APOB: variants seen among roughly 807,000 people sequenced by gnomAD.
APOB encodes the protein apolipoprotein B-100.
In APOB, 153 loss-of-function variants were observed where a neutral mutation model predicts 314.1. That is an observed-to-expected ratio of 0.49 (90% CI 0.43 to 0.56). APOB has a LOEUF of 0.56. Among genes scored for constraint, APOB ranks in the 20% least tolerant of loss-of-function variants. The pLI is 0.00. For missense variants in APOB, 5,430 were observed against 5,350.7 expected, an observed-to-expected ratio of 1.01 and a Z score of -0.46; for synonymous variants, 2,087 against 2,036.4, an observed-to-expected ratio of 1.02 and a Z score of -0.67.
chr2:21,041,411 G>T (rs1664129436), intron 3 of APOB, among the ~76,000 whole-genome samples: 2 of 152,220 alleles, frequency 1.3e-5, no homozygotes, highest in African/African-American at 4.8e-5. Context: ...TAGAAGCGCT[G>T]CAGACTAGGA....
At chr2:21,028,583 A>C in intron 12 of APOB, 45 bp from the exon 13 acceptor site, 1 of 1,340,934 alleles carries the variant, frequency 7.5e-7, no homozygotes, top group Non-Finnish European at 1.1e-6. Context: ...TGTGGTCAGA[A>C]CACAGAACAT....
chr2:21,023,110 AC>A (rs747377575), intron 17 of APOB, 68 bp from the exon 18 acceptor site: 11 of 1,317,350 alleles, frequency 8.4e-6, no homozygotes, highest in African/African-American at 1.4e-5. Flanking sequence ...CAGATCAACC[AC>A]CCTTTCTCAC....
intron 14 of APOB, 138 bp from the exon 15 acceptor site, chr2:21,027,102 C>T: frequency 1.3e-6 from 1 of 785,826 alleles, no homozygotes; most frequent in East Asian, 2.7e-5. Flanking sequence ...TAGCATTTCA[C>T]AGGAGCTGCT....
chr2:21,002,067 A>G lies in APOB; in HGVS notation c.13355T>C (p.Leu4452Pro), dbSNP rs1240567438. The change falls in exon 29 of 29, where the codon CTT (leucine) becomes CCT (proline). Residue 4452 changes from leucine to proline, a missense_variant. Leu to Pro is a moderately conservative substitution (Grantham distance 98). Coordinates refer to ENST00000233242, the MANE Select transcript of APOB (RefSeq NM_000384.3). ...QFLHRNIQEYLSILTDPDGKG... is the reference protein window; with the variant it reads ...QFLHRNIQEYPSILTDPDGKG... ...TCCATCTGGATCGGTAAGGATGCTA[A>G]GATATTCCTGAATATTTCTGTGCAG... 1 of 1,613,916 alleles carries G rather than the reference A, an allele frequency of 6.2e-7. No homozygotes were observed. Among genetic ancestry groups the G allele is most frequent in the Admixed American group, 1.7e-5 (1 of 59,996 alleles).
Position 21,009,172 on chromosome 2 carries a change from C to T in APOB, c.7696G>A (p.Glu2566Lys), listed in dbSNP as rs1801696. ...LAAKNLTDFA[E>K]QYSIQDWAKR... ...GCCCAATCTTGGATAGAATATTGCT[C>T]TGCAAAGTCAGTAAGGTTCTTAGCA... The change falls in exon 26 of 29, where the codon GAG (glutamate) becomes AAG (lysine). Residue 2566 changes from glutamate to lysine, a missense_variant. Glu to Lys is a moderately conservative substitution (Grantham distance 56). This residue lies in a region of APOB where 3,281 missense variants were observed against 3,171.0 expected (regional missense o/e 1.03). Transcript: ENST00000233242. The T allele has an allele frequency of 3.0e-3, 4,874 of 1,614,090 alleles. 13 individuals are homozygous for T. The highest frequency in any genetic ancestry group is 3.5e-3 in the Non-Finnish European group (4,074 of 1,179,966).
intron 20 of APOB, 32 bp from the exon 21 acceptor site, chr2:21,016,681 T>G (rs1202984181): frequency 1.4e-6 from 2 of 1,439,964 alleles, no homozygotes; most frequent in Admixed American, 3.3e-5. Flanking sequence ...TCAAGAGATG[T>G]GTGGTAAGAA....
Position 21,006,657 on chromosome 2 carries a change from T to C in APOB, c.10211A>G (p.Lys3404Arg). Residue 3404 changes from lysine to arginine, a missense_variant, in exon 26 of 29, where the codon AAA becomes AGA. Physicochemically the swap from Lys to Arg is conservative, Grantham distance 26 (BLOSUM62 2). Coordinates refer to ENST00000233242, the MANE Select transcript of APOB (RefSeq NM_000384.3). Reference sequence around the variant, plus strand: ...ACTGTTATGACTACCCTCCACAAATTTGTTGCTCAGAGACAGAGCTGTGGC... The same window carrying C: ...ACTGTTATGACTACCCTCCACAAATCTGTTGCTCAGAGACAGAGCTGTGGC... ...KLATALSLSN[K>R]FVEGSHNSTV... 6.2e-7 allele frequency: 1 copy of C among 1,614,080 alleles called. No individual in the cohort carries two copies. The highest frequency in any genetic ancestry group is 8.5e-7 in the Non-Finnish European group (1 of 1,179,976).
chr2:21,037,146 T>C lies in APOB; in HGVS notation c.647A>G (p.Lys216Arg), dbSNP rs769862584. ...TGGGCTGATGCCTGTGCGGATGGGCTTGAAGCGATCACACTGCCCCAGGTC... is the reference window on the plus strand; with the variant it reads ...TGGGCTGATGCCTGTGCGGATGGGCCTGAAGCGATCACACTGCCCCAGGTC... The part of the protein sequence containing the change: ...ERDLGQCDRF[K>R]PIRTGISPLA... Residue 216 changes from lysine (K) to arginine (R), a missense_variant, in exon 6 of 29, where the codon AAG becomes AGG. Physicochemically the swap from Lys to Arg is conservative, Grantham distance 26. Around this residue, in one of 3 missense-constraint regions of APOB, gnomAD observed 2,085 missense variants for 2,079.7 expected, o/e 1.00. Transcript: ENST00000233242. 32 of 1,614,114 alleles carry C rather than the reference T, an allele frequency of 2.0e-5. No individual in the cohort carries two copies. The highest frequency in any genetic ancestry group is 2.6e-5 in the Non-Finnish European group (31 of 1,180,050).
intron 12 of APOB, 151 bp from the exon 13 acceptor site, chr2:21,028,689 G>C (rs1663804037): frequency 7.6e-6 from 5 of 653,628 alleles, no homozygotes; most frequent in South Asian, 7.3e-5. Context: ...GAATCTTCTT[G>C]CCAGTGTTTC....
In APOB at chr2:21,010,922, T is replaced by C; in HGVS notation, c.5946A>G (p.Lys1982=). The C allele has an allele frequency of 6.2e-7, 1 of 1,614,086 alleles. No individual in the cohort carries two copies. Among genetic ancestry groups the C allele is most frequent in the Non-Finnish European group, 8.5e-7 (1 of 1,179,988 alleles). Residue 1982 remains lysine, a synonymous_variant, in exon 26 of 29, where the codon AAA becomes AAG. Transcript: ENST00000233242. The part of the protein sequence containing the change: ...LTPAEQTGTW[K]LKTQFNNNEY... ...CATTGTTGTTAAATTGGGTCTTGAG[T>C]TTCCAGGTGCCTGTCTGCTCAGCTG...
In APOB at chr2:21,008,401, C is replaced by A. The variant is rs1378244531; in HGVS notation, c.8467G>T (p.Ala2823Ser). 9.9e-6 allele frequency: 16 copies of A among 1,613,940 alleles called. No homozygotes were observed. Among genetic ancestry groups the A allele is most frequent in the Non-Finnish European group, 1.4e-5 (16 of 1,179,972 alleles). ...GAGAACTTCACTGACTCCTTCAGAG[C>A]CAGCGGATTAATCTTAGGGTTTGAG... The part of the protein sequence containing the change: ...QLSNPKINPL[A>S]LKESVKFSSK... Residue 2823 changes from alanine (A) to serine (S), a missense_variant, in exon 26 of 29, where the codon GCT (alanine) becomes TCT (serine). This residue lies in a region of APOB where 3,281 missense variants were observed against 3,171.0 expected (regional missense o/e 1.03). Coordinates refer to ENST00000233242, the MANE Select transcript of APOB (RefSeq NM_000384.3).
At chr2:21,031,109 C>T (rs192275397) in intron 10 of APOB, among the ~76,000 whole-genome samples, 8 of 152,024 alleles carry the variant, frequency 5.3e-5, no homozygotes, top group Non-Finnish European at 7.4e-5. Context: ...TGGGTATATA[C>T]CTAAAGGAAA....
chr2:21,009,762 T>A lies in APOB; in HGVS notation c.7106A>T (p.Lys2369Met), dbSNP rs1663253623. 1 of 1,614,044 alleles carries A rather than the reference T, an allele frequency of 6.2e-7. No individual in the cohort carries two copies. The highest frequency in any genetic ancestry group is 8.5e-7 in the Non-Finnish European group (1 of 1,179,968). ...DKLVELAHQY[K>M]LKETIQKLSN... is the part of the protein sequence containing the mutation. ...TAGCTTCTGAATAGTCTCCTTCAAC[T>A]TGTATTGGTGGGCCAACTCTACTAA... Residue 2369 changes from lysine (K) to methionine (M), a missense_variant, in exon 26 of 29, where the codon AAG (lysine) becomes ATG (methionine). By Grantham distance (95) the Lys-to-Met change is moderately conservative. Coordinates refer to ENST00000233242, the MANE Select transcript of APOB (RefSeq NM_000384.3).
chr2:21,030,795 T>G (rs566674422), intron 10 of APOB, among the ~76,000 whole-genome samples: 82 of 152,132 alleles, frequency 5.4e-4, no homozygotes, highest in African/African-American at 1.8e-3. Context: ...GCAAAGGACA[T>G]GAATAGACAT....
At chr2:21,041,960 G>A (rs563941281) in intron 3 of APOB, among the ~76,000 whole-genome samples, 11 of 152,204 alleles carry the variant, frequency 7.2e-5, no homozygotes, top group South Asian at 4.2e-4. Context: ...TCATTTTTCA[G>A]CAACAGATTC....
At position 21,006,234 on chromosome 2, in the gene APOB, T is replaced by C; in HGVS notation, c.10634A>G (p.Glu3545Gly). 6.2e-7 allele frequency: 1 copy of C among 1,614,094 alleles called. No individual in the cohort carries two copies. Among genetic ancestry groups the C allele is most frequent in the African/African-American group, 1.3e-5 (1 of 75,044 alleles). The change falls in exon 26 of 29, where the codon GAA (glutamate) becomes GGA (glycine). Residue 3545 changes from glutamate to glycine, a missense_variant. Coordinates refer to ENST00000233242, the MANE Select transcript of APOB (RefSeq NM_000384.3). ...TSKIDDIWNL[E>G]VKENFAGEAT... ...TTCTCCAGCAAAATTTTCTTTTACT[T>C]CAAGGTTCCAGATATCATCAATTTT... is the stretch of plus-strand genomic sequence containing the variant.
chr2:21,024,124 G>A (rs143382197), intron 16 of APOB: 95 of 153,236 alleles, frequency 6.2e-4, no homozygotes, highest in African/African-American at 2.1e-3. Flanking sequence ...ATTTGCATTG[G>A]GTTTTATTTT....
Position 21,012,446 on chromosome 2 carries a change from T to C in APOB, c.4422A>G (p.Lys1474=). The C allele has an allele frequency of 3.1e-6, 5 of 1,614,200 alleles. No individual in the cohort carries two copies. Among genetic ancestry groups the C allele is most frequent in the Non-Finnish European group, 4.2e-6 (5 of 1,180,030 alleles). The change falls in exon 26 of 29, where the codon AAA becomes AAG. Residue 1474 remains lysine (K), a synonymous_variant. Coordinates refer to ENST00000233242, the MANE Select transcript of APOB (RefSeq NM_000384.3). ...CTTTGACAAACAAATGCTGTTTCTT[T>C]TTGGAGTCCAAATGAACTGAAGCAG... The part of the protein sequence containing the change: ...QMSASVHLDS[K]KKQHLFVKEV...
In APOB at chr2:21,007,966, G is replaced by A; in HGVS notation, c.8902C>T (p.Leu2968=). The A allele has an allele frequency of 6.2e-7, 1 of 1,614,028 alleles. No individual in the cohort carries two copies. Among genetic ancestry groups the A allele is most frequent in the East Asian group, 2.2e-5 (1 of 44,878 alleles). Reference sequence around the variant, plus strand: ...TAAACCAAGTTTTGGTTTACTCTTAGGTGTTTGCTATTGATCTTATTGGAC... The same window carrying A: ...TAAACCAAGTTTTGGTTTACTCTTAAGTGTTTGCTATTGATCTTATTGGAC... The part of the protein sequence containing the change: ...GLSNKINSKH[L]RVNQNLVYES... The change falls in exon 26 of 29, where the codon CTA becomes TTA. Residue 2968 remains leucine, a synonymous_variant. Transcript: ENST00000233242.
Sources: allele counts gnomAD v4.1 joint callset (sites outside exome capture counted in the v4.1 genomes callset), GRCh38; gene constraint gnomAD v4.1.1; regional missense constraint gnomAD v4.1.1; transcripts MANE v1.5; gene names NCBI Gene and HGNC (gene_info 2026-07-23, HGNC 2026-07-21).